Variants in VRK2 observed in about 807,000 individuals in gnomAD.
VRK2 encodes VRK serine/threonine kinase 2.
A neutral mutation model predicts 57.6 loss-of-function variants in VRK2; 60 were observed. That is an observed-to-expected ratio of 1.04 (90% CI 0.85 to 1.29). The LOEUF (loss-of-function observed/expected upper bound fraction) is 1.29. Among genes scored for constraint, VRK2 ranks in the 50% most tolerant of loss-of-function variants. The pLI, the probability that VRK2 is intolerant of heterozygous loss-of-function variation, is 0.00. For missense variants in VRK2, 705 were observed against 588.1 expected (o/e 1.20, Z -2.06); for synonymous variants, 231 against 199.2 (o/e 1.16, Z -1.35).
intron 7 of VRK2, among the ~76,000 whole-genome samples, chr2:58,116,652 G>C (rs1676546108): frequency 6.6e-6 from 1 of 152,192 alleles, no homozygotes; most frequent in South Asian, 2.1e-4. Context: ...GATGGTCTAT[G>C]GGGCTTCCGA....
rs1216522145 is a variant in VRK2, at chr2:58,086,409, T to G, written c.327T>G (p.Thr109=). The G allele has an allele frequency of 6.3e-7, 1 of 1,597,670 alleles. No homozygotes were observed. The highest frequency in any genetic ancestry group is 1.1e-5 in the South Asian group (1 of 87,254). ...GIPLFYGSGL[T]EFKGRSYRFM... is the part of the protein sequence containing the mutation. ...CTCTGTTTTATGGATCTGGTCTGACTGAATTCAAGGGAAGAAGGTAAAATG... is the reference window on the plus strand; with the variant it reads ...CTCTGTTTTATGGATCTGGTCTGACGGAATTCAAGGGAAGAAGGTAAAATG... Residue 109 remains threonine, a synonymous_variant, in exon 5 of 13, where the codon ACT becomes ACG. Transcript: ENST00000340157.
chr2:58,072,600 G>A (rs1298869152), intron 2 of VRK2, among the ~76,000 whole-genome samples: 1 of 151,914 alleles, frequency 6.6e-6, no homozygotes. Flanking sequence ...TGTATACCTG[G>A]AATAAATCCC....
intron 1 of VRK2, among the ~76,000 whole-genome samples, chr2:57,970,322 T>G (rs974809289): frequency 4.0e-5 from 6 of 151,214 alleles, no homozygotes; most frequent in African/African-American, 1.5e-4. Context: ...TCTGTAAAAA[T>G]ATAAGCCATT....
At chr2:57,967,289 G>A (rs1671951670) in intron 1 of VRK2, among the ~76,000 whole-genome samples, 1 of 151,804 alleles carries the variant, frequency 6.6e-6, no homozygotes, top group Non-Finnish European at 1.5e-5. Flanking sequence ...CGGGTTGATG[G>A]GTGCAGCAAA....
chr2:58,126,658 G>A (rs1408263664), intron 8 of VRK2, among the ~76,000 whole-genome samples: 1 of 151,918 alleles, frequency 6.6e-6, no homozygotes, highest in African/African-American at 2.4e-5. Context: ...ATTCTCTTGT[G>A]TGACCTACAG....
intron 2 of VRK2, among the ~76,000 whole-genome samples, chr2:58,066,323 T>G (rs1377385480): frequency 6.6e-6 from 1 of 152,168 alleles, no homozygotes; most frequent in Non-Finnish European, 1.5e-5. Flanking sequence ...CCTTTTCTAC[T>G]TCAATTGATA....
chr2:58,075,794 T>C (rs898119643), intron 2 of VRK2, among the ~76,000 whole-genome samples: 7 of 144,626 alleles, frequency 4.8e-5, no homozygotes, highest in Non-Finnish European at 1.1e-4. Context: ...GGCAAAGTAG[T>C]TTCCCTTCCC....
At chr2:57,910,363 A>T (rs1669949053) in intron 1 of VRK2, among the ~76,000 whole-genome samples, 1 of 152,212 alleles carries the variant, frequency 6.6e-6, no homozygotes, top group Non-Finnish European at 1.5e-5. Flanking sequence ...TGACAATAAA[A>T]CACAACGCTC....
At chr2:58,114,921 T>G (rs1298079373) in intron 7 of VRK2, among the ~76,000 whole-genome samples, 1 of 152,122 alleles carries the variant, frequency 6.6e-6, no homozygotes, top group Non-Finnish European at 1.5e-5. Flanking sequence ...CGGGACATGT[T>G]GAGTAAAGCT....
chr2:58,084,233 C>T (rs1671303330), intron 3 of VRK2, 95 bp downstream of exon 3: 3 of 1,265,556 alleles, frequency 2.4e-6, no homozygotes, highest in Non-Finnish European at 3.3e-6. Flanking sequence ...GTAACTATTG[C>T]CTTATCAGTA....
rs766780736 is a variant in VRK2, at chr2:57,963,864, G to C, written c.-439+56025G>C. ...TTGCAATGTTTTTATGATCAAATTG[G>C]ATATAAGAGGATTTGCAAATACACC... On this transcript the variant is annotated intron_variant, in intron 1 of 15. Coordinates refer to the VRK2 transcript ENST00000417641. Among the ~76,000 whole-genome samples the C allele has an allele frequency of 6.6e-5, 10 of 152,240 alleles. No homozygotes were observed. The East Asian group carries it at 7.7e-4, about 12-fold the overall frequency.
chr2:58,093,467 G>A (rs1224247778), intron 7 of VRK2, among the ~76,000 whole-genome samples: 1 of 152,006 alleles, frequency 6.6e-6, no homozygotes, highest in Non-Finnish European at 1.5e-5. Flanking sequence ...GTCTTCTTTT[G>A]AGAAGTGTCT....
chr2:58,047,156 G>T, intron 1 of VRK2: 1 of 310,660 alleles, frequency 3.2e-6, no homozygotes, highest in Non-Finnish European at 4.7e-6. Context: ...TTTTGCCGGT[G>T]CAGAGAGAAC....
intron 12 of VRK2, among the ~76,000 whole-genome samples, chr2:58,150,391 AAGTT>A (rs1453648590): frequency 8.6e-5 from 13 of 151,346 alleles, no homozygotes; most frequent in Non-Finnish European, 1.3e-4. Flanking sequence ...TATCAGCACT[AAGTT>A]AGGATATTCT....
Position 58,022,766 on chromosome 2 carries a change from T to C in VRK2, c.-438-2899T>C, listed in dbSNP as rs530540773. Among the ~76,000 whole-genome samples the C allele has an allele frequency of 2.0e-4, 31 of 152,182 alleles. No homozygotes were observed. The East Asian group carries it at 4.5e-3, about 22-fold the overall frequency. ...GGCCCTTGCCTGTAGTCCCAGCTAC[T>C]CAGGAGGCTGAGACTGAGGGATTGC... On this transcript the variant is annotated intron_variant, in intron 1 of 15. Coordinates refer to the VRK2 transcript ENST00000417641.
intron 1 of VRK2, among the ~76,000 whole-genome samples, chr2:57,919,430 T>C (rs1011901335): frequency 2.0e-5 from 3 of 152,232 alleles, no homozygotes; most frequent in East Asian, 1.9e-4. Context: ...TGGCTGGCAA[T>C]AATTTCTGAG....
intron 7 of VRK2, among the ~76,000 whole-genome samples, chr2:58,118,247 G>A (rs1192226920): frequency 4.6e-5 from 7 of 152,168 alleles, no homozygotes; most frequent in African/African-American, 1.4e-4. Context: ...GGGACTTGCC[G>A]CTAAGGGTGA....
chr2:58,108,585 C>T (rs1675102836), intron 7 of VRK2, among the ~76,000 whole-genome samples: 1 of 152,130 alleles, frequency 6.6e-6, no homozygotes, highest in Non-Finnish European at 1.5e-5. Flanking sequence ...CTGACACATG[C>T]TCTGGTTGCC....
rs374521752 is a variant in VRK2, at chr2:58,088,680, T to A, written c.450+234T>A. 3.9e-5 allele frequency among the ~76,000 whole-genome samples: 6 copies of A among 152,372 alleles called. No homozygotes were observed. In the South Asian group the frequency reaches 1.2e-3, roughly 32 times the overall value. On this transcript the variant is annotated intron_variant, in intron 6 of 12. Transcript: ENST00000340157. ...TAGGCTTTGGTTCTCCAGTCTGATC[T>A]TCTTTTTCCTTAGAGCTTTGTTTTA...
Sources: allele counts gnomAD v4.1 joint callset (sites outside exome capture counted in the v4.1 genomes callset), GRCh38; gene constraint gnomAD v4.1.1; transcripts MANE v1.5; gene names NCBI Gene and HGNC (gene_info 2026-07-23, HGNC 2026-07-21).